Variants in LRMDA observed in about 807,000 individuals in gnomAD.
LRMDA encodes leucine rich melanocyte differentiation associated, also known as leucine-rich melanocyte differentiation-associated protein.
In LRMDA, 18 loss-of-function variants were observed where a neutral mutation model predicts 29.8. The observed-to-expected ratio is 0.60, with a 90% CI of 0.42 to 0.90. The LOEUF (loss-of-function observed/expected upper bound fraction) is 0.90, where lower values mean the gene tolerates loss of function less well. Among genes scored for constraint, LRMDA ranks in the 40% least tolerant of loss-of-function variants. The pLI is 0.00. For synonymous variants in LRMDA, 125 were observed against 109.4 expected (o/e 1.14, Z -0.89); for missense variants, 273 against 273.9 (o/e 1.00, Z 0.02).
chr10:75,675,729 A>G (rs1472701941), intron 2 of LRMDA, among the ~76,000 whole-genome samples: 2 of 152,108 alleles, frequency 1.3e-5, no homozygotes, highest in Admixed American at 1.3e-4. Flanking sequence ...TGTTTGTTTG[A>G]AAAACTATCT....
chr10:76,258,693 A>G (rs1341060524), intron 5 of LRMDA, among the ~76,000 whole-genome samples: 1 of 152,040 alleles, frequency 6.6e-6, no homozygotes, highest in Non-Finnish European at 1.5e-5. Context: ...CTTCCACAAT[A>G]TGAGTGAGAA....
At chr10:76,367,363 G>A (rs573471983) in intron 6 of LRMDA, among the ~76,000 whole-genome samples, 2 of 152,128 alleles carry the variant, frequency 1.3e-5, no homozygotes, top group Non-Finnish European at 2.9e-5. Flanking sequence ...GTAGAATTCT[G>A]TTGTGAACCT....
intron 2 of LRMDA, among the ~76,000 whole-genome samples, chr10:76,000,922 A>G (rs930973503): frequency 5.3e-5 from 8 of 152,178 alleles, no homozygotes; most frequent in Admixed American, 5.2e-4. Flanking sequence ...CACATGCACC[A>G]TTAGAAAACA....
chr10:75,433,285 T>C (rs1412562032), intron 1 of LRMDA, among the ~76,000 whole-genome samples: 1 of 152,200 alleles, frequency 6.6e-6, no homozygotes. Context: ...CTGTGCTTCC[T>C]TTCCCTTTGC....
chr10:75,442,800 A>C (rs1324050061), intron 2 of LRMDA, among the ~76,000 whole-genome samples: 1 of 152,014 alleles, frequency 6.6e-6, no homozygotes, highest in Admixed American at 6.6e-5. Context: ...TGGAATTTTG[A>C]TAAGGAGTGC....
chr10:75,478,971 T>G (rs931422522), intron 2 of LRMDA, among the ~76,000 whole-genome samples: 1 of 152,198 alleles, frequency 6.6e-6, no homozygotes, highest in Admixed American at 6.5e-5. Flanking sequence ...TATCTGGACC[T>G]GCACCCCCAG....
At chr10:76,186,860 G>A (rs553894593) in intron 5 of LRMDA, among the ~76,000 whole-genome samples, 135 of 152,242 alleles carry the variant, frequency 8.9e-4, no homozygotes, top group African/African-American at 3.1e-3. Flanking sequence ...TCTATTAACT[G>A]AATTTCAGCT....
At chr10:76,032,085 G>A (rs1032363309) in intron 2 of LRMDA, among the ~76,000 whole-genome samples, 1 of 152,202 alleles carries the variant, frequency 6.6e-6, no homozygotes, top group Non-Finnish European at 1.5e-5. Context: ...TGGGCAAGGG[G>A]CAGGGAGGAA....
intron 2 of LRMDA, among the ~76,000 whole-genome samples, chr10:75,990,265 G>C (rs1156254053): frequency 6.6e-6 from 1 of 152,124 alleles, no homozygotes; most frequent in African/African-American, 2.4e-5. Context: ...TCAGATTCCA[G>C]GATGGATTTC....
chr10:75,655,933 C>G (rs1368154125), intron 2 of LRMDA, among the ~76,000 whole-genome samples: 1 of 152,132 alleles, frequency 6.6e-6, no homozygotes, highest in African/African-American at 2.4e-5. Flanking sequence ...CCTCTGTGAC[C>G]TGGTCATCTG....
chr10:76,363,597 C>A (rs1411033423), intron 6 of LRMDA, among the ~76,000 whole-genome samples: 2 of 152,004 alleles, frequency 1.3e-5, no homozygotes, highest in African/African-American at 2.4e-5. Flanking sequence ...ATTAGAAAGG[C>A]AGATCTAGAT....
At chr10:76,146,622 A>G (rs527399216) in intron 5 of LRMDA, among the ~76,000 whole-genome samples, 1 of 152,150 alleles carries the variant, frequency 6.6e-6, no homozygotes, top group Non-Finnish European at 1.5e-5. Context: ...CAGCACACCG[A>G]TGGGTCTTGA....
chr10:75,997,793 G>A (rs1847496117), intron 2 of LRMDA, among the ~76,000 whole-genome samples: 1 of 152,142 alleles, frequency 6.6e-6, no homozygotes, highest in African/African-American at 2.4e-5. Flanking sequence ...TCTCTTCACA[G>A]CCCCTATTTG....
intron 5 of LRMDA, among the ~76,000 whole-genome samples, chr10:76,183,903 A>G (rs575185109): frequency 6.6e-6 from 1 of 152,270 alleles, no homozygotes; most frequent in African/African-American, 2.4e-5. Context: ...AAAAATTTGT[A>G]GAGACCTGGG....
intron 2 of LRMDA, among the ~76,000 whole-genome samples, chr10:75,623,058 A>C (rs1277675772): frequency 3.3e-5 from 5 of 152,248 alleles, no homozygotes; most frequent in Admixed American, 6.5e-5. Flanking sequence ...ATTCTTTCAA[A>C]TATATAACTC....
chr10:76,363,176 A>AGAAAGAAAGAAAGAAAGAAGGGAG (rs1459442138), intron 6 of LRMDA, among the ~76,000 whole-genome samples: 1 of 21,794 alleles, frequency 4.6e-5, no homozygotes, highest in Non-Finnish European at 1.2e-4. Flanking sequence ...AAAGAAAGAA[A>AGAAAGAAAGAAAGAAAGAAGGGAG]GGAGGGAGGG....
intron 2 of LRMDA, among the ~76,000 whole-genome samples, chr10:75,478,097 C>T (rs944331401): frequency 6.6e-6 from 1 of 152,222 alleles, no homozygotes; most frequent in Non-Finnish European, 1.5e-5. Flanking sequence ...TCTGAAGGAC[C>T]ACAGGCCTGG....
chr10:75,497,618 T>G (rs3012042), intron 2 of LRMDA, among the ~76,000 whole-genome samples: 1 of 151,254 alleles, frequency 6.6e-6, no homozygotes, highest in Non-Finnish European at 1.5e-5. Flanking sequence ...TCCTGCTCCC[T>G]CCCCTCCATA....
chr10:75,525,637 C>T lies in LRMDA; in HGVS notation c.131+87143C>T, dbSNP rs1286105442. 4.8e-4 allele frequency among the ~76,000 whole-genome samples: 64 copies of T among 133,462 alleles called. No homozygotes were observed. The Admixed American group carries it at 5.3e-3, about 11-fold the overall frequency. 87.6% of individuals were successfully genotyped at this position (133,462 alleles called of 152,430 possible). ...GAGAAAAGGGCAAATAGGCTCTTTA[C>T]AACCTCATTCCAGACCACTTTTTAA... On this transcript the variant is annotated intron_variant, in intron 2 of 6. Transcript: ENST00000611255.
Sources: gnomAD v4.1 joint callset for allele counts (sites outside exome capture counted in the v4.1 genomes callset) on GRCh38, gnomAD v4.1.1 for gene constraint, MANE v1.5 for transcripts, NCBI Gene and HGNC (gene_info 2026-07-23, HGNC 2026-07-21) for gene names.